The following EPB41L4A variants were observed in gnomAD, a reference collection of about 807,000 sequenced individuals.
EPB41L4A encodes erythrocyte membrane protein band 4.1 like 4A.
EPB41L4A carries 100 observed loss-of-function variants against 108.6 expected under a neutral mutation model. That is an observed-to-expected ratio of 0.92 (90% CI 0.78 to 1.09). The LOEUF (loss-of-function observed/expected upper bound fraction) is 1.09, where lower values mean the gene tolerates loss of function less well. EPB41L4A is among the 50% of genes least tolerant of loss of function. EPB41L4A has a pLI of 0.00. For synonymous variants in EPB41L4A, 319 were observed against 289.0 expected (o/e 1.10, Z -1.05); for missense variants, 1,030 against 842.7 (o/e 1.22, Z -2.75).
At chr5:112,294,485 C>G (rs745392109) in intron 2 of EPB41L4A, among the ~76,000 whole-genome samples, 5 of 152,072 alleles carry the variant, frequency 3.3e-5, no homozygotes, top group Admixed American at 6.6e-5. Flanking sequence ...ATTCAATAGA[C>G]ACAAACAATG....
intron 9 of EPB41L4A, among the ~76,000 whole-genome samples, chr5:112,247,994 A>G (rs1187154008): frequency 6.6e-6 from 1 of 152,158 alleles, no homozygotes; most frequent in Non-Finnish European, 1.5e-5. Flanking sequence ...CTTGGGTACA[A>G]ATATATTAAA....
chr5:112,364,382 T>A (rs1758986695), intron 1 of EPB41L4A, among the ~76,000 whole-genome samples: 1 of 152,236 alleles, frequency 6.6e-6, no homozygotes, highest in African/African-American at 2.4e-5. Flanking sequence ...ATATTCACAT[T>A]AGAGTTACAA....
intron 1 of EPB41L4A, among the ~76,000 whole-genome samples, chr5:112,366,931 T>A (rs1395485462): frequency 6.6e-6 from 1 of 152,090 alleles, no homozygotes; most frequent in Non-Finnish European, 1.5e-5. Flanking sequence ...TCAAAGTATA[T>A]CTGAAAGAAG....
intron 2 of EPB41L4A, among the ~76,000 whole-genome samples, chr5:112,284,929 A>G (rs1753188085): frequency 6.6e-6 from 1 of 152,208 alleles, no homozygotes; most frequent in South Asian, 2.1e-4. Context: ...TTTCCTTGGT[A>G]ACAGTCTCAG....
chr5:112,328,303 C>T (rs1248932328), intron 1 of EPB41L4A, among the ~76,000 whole-genome samples: 4 of 151,362 alleles, frequency 2.6e-5, no homozygotes, highest in South Asian at 2.1e-4. Context: ...GGCGAGACTC[C>T]GACACAAAAA....
intron 1 of EPB41L4A, among the ~76,000 whole-genome samples, chr5:112,320,623 T>C (rs981396177): frequency 3.3e-5 from 5 of 152,132 alleles, no homozygotes; most frequent in Non-Finnish European, 5.9e-5. Context: ...GCTCTGGAGA[T>C]AGAGAGGTTG....
In EPB41L4A at chr5:112,168,999, CT is replaced by C. The variant is rs765096922; in HGVS notation, c.1845del (p.Val616Ter). The part of the protein sequence containing the change: ...CSDGERSVLS[E>X]VNSKTDLVPP... The stretch of plus-strand genomic sequence containing the variant: ...TACTCTGGCCTGCCCACTTACTTCA[CT>C]TCCGAGAGAACTGATCGCTCCCCAT... On this transcript the variant is annotated frameshift_variant, in exon 21 of 23. Coordinates refer to ENST00000261486, the MANE Select transcript of EPB41L4A (RefSeq NM_022140.5). LOFTEE classifies it high-confidence loss of function. The C allele has an allele frequency of 1.2e-6, 2 of 1,611,890 alleles. No homozygotes were observed. Among genetic ancestry groups the C allele is most frequent in the African/African-American group, 2.7e-5 (2 of 74,888 alleles).
chr5:112,165,816 T>C (rs1221775225), intron 22 of EPB41L4A, among the ~76,000 whole-genome samples: 1 of 152,222 alleles, frequency 6.6e-6, no homozygotes, highest in Non-Finnish European at 1.5e-5. Context: ...TATTTTGAGA[T>C]TTGTTTGAGC....
chr5:112,177,678 G>C (rs1292019028), intron 18 of EPB41L4A, among the ~76,000 whole-genome samples: 2 of 151,922 alleles, frequency 1.3e-5, no homozygotes, highest in African/African-American at 4.8e-5. Context: ...TATGACAATA[G>C]CACAAAGCAC....
chr5:112,311,979 G>A (rs920917060), intron 1 of EPB41L4A, among the ~76,000 whole-genome samples: 1 of 152,100 alleles, frequency 6.6e-6, no homozygotes, highest in Admixed American at 6.5e-5. Flanking sequence ...TGAACAAAGA[G>A]GAAACAATTA....
At chr5:112,169,509 T>C (rs995827378) in intron 20 of EPB41L4A, among the ~76,000 whole-genome samples, 4 of 152,162 alleles carry the variant, frequency 2.6e-5, no homozygotes, top group African/African-American at 9.7e-5. Flanking sequence ...CAGTCTTTAC[T>C]TGAAAATTGC....
At chr5:112,283,839 T>C (rs1260270844) in intron 2 of EPB41L4A, among the ~76,000 whole-genome samples, 1 of 152,118 alleles carries the variant, frequency 6.6e-6, no homozygotes, top group East Asian at 1.9e-4. Flanking sequence ...TTATATAAGA[T>C]GAATACATAT....
intron 11 of EPB41L4A, among the ~76,000 whole-genome samples, chr5:112,238,807 G>T (rs978638487): frequency 2.6e-4 from 40 of 152,278 alleles, no homozygotes; most frequent in Middle Eastern, 3.4e-3. Flanking sequence ...CTAATACTAT[G>T]CCTTGCACAT....
chr5:112,327,072 C>G (rs967001251), intron 1 of EPB41L4A, among the ~76,000 whole-genome samples: 10 of 152,086 alleles, frequency 6.6e-5, no homozygotes, highest in African/African-American at 2.2e-4. Context: ...CTCAATTTCA[C>G]AAATAGGGAA....
At chr5:112,220,425 G>A (rs1302087524) in intron 12 of EPB41L4A, among the ~76,000 whole-genome samples, 1 of 152,114 alleles carries the variant, frequency 6.6e-6, no homozygotes, top group Non-Finnish European at 1.5e-5. Context: ...TATGGACAAA[G>A]CAGTCTAACA....
chr5:112,356,961 A>G (rs1189709386), intron 1 of EPB41L4A, among the ~76,000 whole-genome samples: 1 of 152,242 alleles, frequency 6.6e-6, no homozygotes, highest in Non-Finnish European at 1.5e-5. Context: ...TTTAAAGACA[A>G]TATATACCAG....
chr5:112,352,314 T>C (rs1357896043), intron 1 of EPB41L4A, among the ~76,000 whole-genome samples: 3 of 152,210 alleles, frequency 2.0e-5, no homozygotes, highest in African/African-American at 7.2e-5. Context: ...TTTTGGTATG[T>C]CAAGTTTGAA....
At chr5:112,198,253 GAACTTC>G (rs1398248668) in intron 15 of EPB41L4A, among the ~76,000 whole-genome samples, 4 of 152,076 alleles carry the variant, frequency 2.6e-5, no homozygotes, top group African/African-American at 7.2e-5. Context: ...GGCTAGTCTT[GAACTTC>G]TGACCTCAGG....
intron 1 of EPB41L4A, among the ~76,000 whole-genome samples, chr5:112,317,367 C>T (rs1755496470): frequency 6.6e-6 from 1 of 152,038 alleles, no homozygotes; most frequent in South Asian, 2.1e-4. Flanking sequence ...ATTTTTTATT[C>T]CTGCTTTATA....
Sources: gnomAD v4.1 joint callset for allele counts (sites outside exome capture counted in the v4.1 genomes callset) on GRCh38, gnomAD v4.1.1 for gene constraint, MANE v1.5 for transcripts, NCBI Gene and HGNC (gene_info 2026-07-23, HGNC 2026-07-21) for gene names.